Variants in VPS13B observed in about 807,000 individuals in gnomAD.
VPS13B encodes vacuolar protein sorting 13 homolog B.
A neutral mutation model predicts 426.4 loss-of-function variants in VPS13B; 285 were observed. The ratio of observed to expected loss-of-function variants is 0.67; its 90% CI spans 0.61 to 0.74. VPS13B has a LOEUF of 0.74. Among genes scored for constraint, VPS13B ranks in the 30% least tolerant of loss-of-function variants. The pLI, the probability that VPS13B is intolerant of heterozygous loss-of-function variation, is 0.00. For synonymous variants in VPS13B, 1,676 were observed against 1,676.4 expected, an observed-to-expected ratio of 1.00 and a Z score of 0.01; for missense variants, 4,537 against 4,782.6, an observed-to-expected ratio of 0.95 and a Z score of 1.51.
chr8:99,247,178 AT>A (rs200380030), intron 17 of VPS13B, among the ~76,000 whole-genome samples: 4,335 of 150,130 alleles, frequency 0.029, 83 homozygotes, highest in Non-Finnish European at 0.043. Context: ...TGCATGTTCA[AT>A]TTTTTTTTTA....
intron 49 of VPS13B, among the ~76,000 whole-genome samples, chr8:99,820,688 C>T (rs1268441549): frequency 6.6e-6 from 1 of 152,058 alleles, no homozygotes; most frequent in African/African-American, 2.4e-5. Context: ...ATTTCTGTCA[C>T]AAAACCTTCT....
intron 21 of VPS13B, among the ~76,000 whole-genome samples, chr8:99,397,230 C>T (rs1351411971): frequency 1.3e-5 from 2 of 152,158 alleles, no homozygotes; most frequent in African/African-American, 2.4e-5. Context: ...ACTGCAACCT[C>T]CACCTCCTGA....
intron 3 of VPS13B, among the ~76,000 whole-genome samples, chr8:99,065,315 C>T (rs1049049382): frequency 7.2e-5 from 11 of 152,140 alleles, no homozygotes; most frequent in African/African-American, 2.2e-4. Flanking sequence ...TTATCCACCA[C>T]GATCAAGTCG....
intron 3 of VPS13B, among the ~76,000 whole-genome samples, chr8:99,093,335 A>C (rs1219694582): frequency 6.6e-6 from 1 of 151,956 alleles, no homozygotes; most frequent in Non-Finnish European, 1.5e-5. Context: ...TATGCTATTC[A>C]AAGCACCTCA....
At position 99,486,132 on chromosome 8, in the gene VPS13B, T is replaced by C. The variant is rs1027543335; in HGVS notation, c.3870+4330T>C. Among the ~76,000 whole-genome samples the C allele has an allele frequency of 3.3e-5, 5 of 152,190 alleles. No individual in the cohort carries two copies. The East Asian group carries it at 7.7e-4, about 23-fold the overall frequency. ...AGGGTGCTAGAGATTTCAGGGAACC[T>C]TGGGCAGTTTTTAGGTTTCTTTATC... On this transcript the variant is annotated intron_variant, in intron 25 of 61. Coordinates refer to ENST00000357162, the MANE Select transcript of VPS13B (RefSeq NM_152564.5).
intron 3 of VPS13B, among the ~76,000 whole-genome samples, chr8:99,057,069 G>T (rs980067523): frequency 6.7e-6 from 1 of 150,190 alleles, no homozygotes; most frequent in Non-Finnish European, 1.5e-5. Context: ...CATTGATCTT[G>T]TGTCCTGTGA....
Position 99,766,911 on chromosome 8 carries a change from A to G in VPS13B, c.7188A>G (p.Val2396=), listed in dbSNP as rs928101727. ...INLVNDQKKL[V]SSDLWRIVLN... ...TCGTGAATGACCAGAAGAAATTAGT[A>G]TCTTCAGATCTTTGGAGAATTGTCT... The change falls in exon 40 of 62, where the codon GTA becomes GTG. Residue 2396 remains valine (V), a synonymous_variant. Coordinates refer to ENST00000357162, the MANE Select transcript of VPS13B (RefSeq NM_152564.5). 3.1e-6 allele frequency: 5 copies of G among 1,613,930 alleles called. No individual in the cohort carries two copies. Among genetic ancestry groups the G allele is most frequent in the East Asian group, 2.2e-5 (1 of 44,830 alleles).
chr8:99,819,383 T>C (rs1182077291), intron 47 of VPS13B, 29 bp from the exon 48 acceptor site: 1 of 1,610,706 alleles, frequency 6.2e-7, no homozygotes, highest in East Asian at 2.2e-5. Flanking sequence ...ATCTGATAAT[T>C]ATTCTTGGTT....
At chr8:99,030,465 T>TGG (rs1187656618) in intron 2 of VPS13B, among the ~76,000 whole-genome samples, 1 of 150,452 alleles carries the variant, frequency 6.6e-6, no homozygotes, top group East Asian at 1.9e-4. Flanking sequence ...TGAGTGAGTG[T>TGG]GTGTGTGTGT....
rs776697753 is a variant in VPS13B at position 99,384,330 on chromosome 8, T to A, written c.2934+13T>A. The A allele has an allele frequency of 1.3e-6, 2 of 1,599,102 alleles. No homozygotes were observed. The highest frequency in any genetic ancestry group is 2.2e-5 in the South Asian group (2 of 90,502). On this transcript the variant is annotated intron_variant, in intron 20 of 61. Transcript: ENST00000357162. ...ACATATGCAACAGGTAAGAGATTTT[T>A]AAATAATTTTTTCTGTTAACAAATA...
chr8:99,466,659 A>AT (rs1453997134), intron 23 of VPS13B, among the ~76,000 whole-genome samples: 1 of 152,158 alleles, frequency 6.6e-6, no homozygotes, highest in Non-Finnish European at 1.5e-5. Flanking sequence ...ATGAATGCCA[A>AT]TTTTTTATCA....
At chr8:99,566,595 G>A (rs1043479492) in intron 31 of VPS13B, among the ~76,000 whole-genome samples, 5 of 151,848 alleles carry the variant, frequency 3.3e-5, no homozygotes, top group South Asian at 2.1e-4. Flanking sequence ...GGCATGTGCC[G>A]CCACGCCCAG....
At chr8:99,503,284 A>G (rs1821334367) in intron 27 of VPS13B, among the ~76,000 whole-genome samples, 1 of 152,224 alleles carries the variant, frequency 6.6e-6, no homozygotes, top group Non-Finnish European at 1.5e-5. Context: ...TCATCTGAGC[A>G]TTCAATGAGT....
At chr8:99,178,691 G>A (rs749312894) in intron 16 of VPS13B, among the ~76,000 whole-genome samples, 29 of 151,950 alleles carry the variant, frequency 1.9e-4, no homozygotes, top group Non-Finnish European at 3.1e-4. Flanking sequence ...GCACGATCTC[G>A]ACTCACTGCA....
chr8:99,275,289 C>CTTTTTTTT (rs11332378), intron 19 of VPS13B, 35 bp downstream of exon 19: 5 of 1,195,736 alleles, frequency 4.2e-6, no homozygotes, highest in African/African-American at 2.0e-5. Flanking sequence ...CCTTGTTTTG[C>CTTTTTTTT]TTTTTTTTTT....
chr8:99,579,037 A>G (rs1402671523), intron 33 of VPS13B, among the ~76,000 whole-genome samples: 2 of 152,204 alleles, frequency 1.3e-5, no homozygotes, highest in Non-Finnish European at 2.9e-5. Context: ...GTTTCTTCTT[A>G]GAGATCATAT....
intron 19 of VPS13B, among the ~76,000 whole-genome samples, chr8:99,332,085 A>G (rs918622935): frequency 6.6e-6 from 1 of 151,720 alleles, no homozygotes; most frequent in Admixed American, 6.6e-5. Context: ...TTTATTGTAG[A>G]AAATTGTGAA....
At chr8:99,501,394 GACTCT>G (rs1487769431) in intron 25 of VPS13B, among the ~76,000 whole-genome samples, 1 of 152,092 alleles carries the variant, frequency 6.6e-6, no homozygotes, top group Non-Finnish European at 1.5e-5. Context: ...GTAGCTTGCA[GACTCT>G]ACTCTATAGG....
At chr8:99,765,010 C>A (rs1249400729) in intron 39 of VPS13B, among the ~76,000 whole-genome samples, 1 of 152,112 alleles carries the variant, frequency 6.6e-6, no homozygotes, top group Non-Finnish European at 1.5e-5. Flanking sequence ...GTTTGGGAGG[C>A]TGAAGCAGGT....
Sources: allele counts gnomAD v4.1 joint callset (sites outside exome capture counted in the v4.1 genomes callset), GRCh38; gene constraint gnomAD v4.1.1; transcripts MANE v1.5; gene names NCBI Gene and HGNC (gene_info 2026-07-23, HGNC 2026-07-21).